SP2: variants seen among roughly 807,000 people sequenced by gnomAD.
SP2 encodes the protein transcription factor Sp2.
SP2 carries 9 observed loss-of-function variants against 50.1 expected under a neutral mutation model. That is an observed-to-expected ratio of 0.18 (90% CI 0.11 to 0.31). SP2 has a LOEUF of 0.31. SP2 is among the 10% of genes least tolerant of loss of function. The probability of loss-of-function intolerance (pLI) is 1.00; values close to 1 mark genes in which losing one functional copy is unlikely to be tolerated. For synonymous variants in SP2, 313 were observed against 326.6 expected (o/e 0.96, Z 0.45); for missense variants, 581 against 806.5 (o/e 0.72, Z 3.39).
At chr17:47,902,944 C>T (rs542907744) in intron 1 of SP2, among the ~76,000 whole-genome samples, 8 of 152,198 alleles carry the variant, frequency 5.3e-5, no homozygotes, top group Non-Finnish European at 1.0e-4. Context: ...TTAGTAGAGA[C>T]GAGGTTTCGC....
chr17:47,915,398 C>T lies in SP2; in HGVS notation c.84+10C>T, dbSNP rs2035157148. On this transcript the variant is annotated intron_variant, in intron 2 of 6. Coordinates refer to ENST00000376741, the MANE Select transcript of SP2 (RefSeq NM_003110.6). ...CGCCTCCACCACCCAGGCGAGTAGG[C>T]AGTGGGCTCCGAGGGCTTGGGGCTG... is the stretch of plus-strand genomic sequence containing the variant. 1.9e-6 allele frequency: 3 copies of T among 1,603,870 alleles called. No homozygotes were observed. The highest frequency in any genetic ancestry group is 2.6e-6 in the Non-Finnish European group (3 of 1,172,374).
Position 47,917,278 on chromosome 17 carries a change from T to G in SP2, c.1059+148T>G, listed in dbSNP as rs867667309. On this transcript the variant is annotated intron_variant, in intron 3 of 6. Transcript: ENST00000376741. ...TGGGCAGTAAGTGGCCGTTTCTACC[T>G]GACAAATGGGCTCTCTTTAGTTCAT... is the stretch of plus-strand genomic sequence containing the variant. The G allele has an allele frequency of 5.7e-5, 41 of 725,592 alleles. No individual in the cohort carries two copies. In the Middle Eastern group the frequency reaches 1.7e-3, roughly 30 times the overall value. 44.9% of individuals were successfully genotyped at this position (725,592 alleles called of 1,614,324 possible).
In SP2 at chr17:47,925,471, C is replaced by T. The variant is rs781456785; in HGVS notation, c.1671C>T (p.Cys557=). 22 of 1,614,226 alleles carry T rather than the reference C, an allele frequency of 1.4e-5. No homozygotes were observed. The highest frequency in any genetic ancestry group is 1.9e-5 in the Non-Finnish European group (22 of 1,180,038). ...RLHTGERPFV[C]NWFFCGKRFT... is the part of the protein sequence containing the mutation. The stretch of plus-strand genomic sequence containing the variant: ...ACACTGGCGAGCGGCCCTTTGTCTG[C>T]AACTGGTTCTTCTGTGGGAAGAGGT... The change falls in exon 6 of 7, where the codon TGC becomes TGT. Residue 557 remains cysteine (C), a synonymous_variant. Coordinates refer to ENST00000376741, the MANE Select transcript of SP2 (RefSeq NM_003110.6).
At chr17:47,919,979 G>A (rs1042562527) in intron 3 of SP2, among the ~76,000 whole-genome samples, 13 of 151,676 alleles carry the variant, frequency 8.6e-5, no homozygotes, top group Non-Finnish European at 1.5e-5. Flanking sequence ...TGGGATTACA[G>A]GCGCGTGCCA....
rs899410940 is a variant in SP2 at position 47,914,301 on chromosome 17, G to T, written c.8-1011G>T. On this transcript the variant is annotated intron_variant, in intron 1 of 6. Transcript: ENST00000376741. The stretch of plus-strand genomic sequence containing the variant: ...CAGGAGAATCACTTGAACCTGGGAG[G>T]TGGAGGTTGCAATGAGCCAGGATCG... Among the ~76,000 whole-genome samples, 8 of 152,098 alleles carry T rather than the reference G, an allele frequency of 5.3e-5. No homozygotes were observed. In the East Asian group the frequency reaches 1.4e-3, roughly 26 times the overall value.
intron 6 of SP2, among the ~76,000 whole-genome samples, chr17:47,926,409 C>A (rs1172035487): frequency 1.3e-5 from 2 of 150,738 alleles, no homozygotes; most frequent in Admixed American, 1.3e-4. Context: ...AACTCCTGGG[C>A]TCAAGTGATT....
intron 1 of SP2, among the ~76,000 whole-genome samples, chr17:47,904,090 G>C (rs2034656018): frequency 6.6e-6 from 1 of 151,974 alleles, no homozygotes; most frequent in African/African-American, 2.4e-5. Context: ...GTGAAACCCT[G>C]TCTCTACTAA....
In SP2 at chr17:47,922,947, TC is replaced by T; in HGVS notation, c.1060-14del. ...CTCTTCCAGGCACTGATTTTTTTTC[TC>T]TGGCCCCTCCCAGGTCTACATCCGC... On this transcript the variant is annotated splice_polypyrimidine_tract_variant and intron_variant, in intron 3 of 6. Transcript: ENST00000376741. 6.3e-7 allele frequency: 1 copy of T among 1,597,306 alleles called. No homozygotes were observed. The highest frequency in any genetic ancestry group is 8.6e-7 in the Non-Finnish European group (1 of 1,168,144).
At chr17:47,913,516 G>A (rs1809895001) in intron 1 of SP2, among the ~76,000 whole-genome samples, 1 of 152,172 alleles carries the variant, frequency 6.6e-6, no homozygotes, top group Non-Finnish European at 1.5e-5. Flanking sequence ...AGATGGTATA[G>A]ATTCTTTCTC....
chr17:47,910,420 T>G (rs990407708), intron 1 of SP2, among the ~76,000 whole-genome samples: 2 of 152,224 alleles, frequency 1.3e-5, no homozygotes, highest in Non-Finnish European at 2.9e-5. Flanking sequence ...GTAACTGTGG[T>G]TCGTGGTCTG....
rs137884512 is a variant in SP2 at position 47,916,737 on chromosome 17, C to T, written c.666C>T (p.Ala222=). Residue 222 remains alanine (A), a synonymous_variant, in exon 3 of 7, where the codon GCC becomes GCT. Coordinates refer to ENST00000376741, the MANE Select transcript of SP2 (RefSeq NM_003110.6). This position sits in a 1 kb window ranked among gnomAD's most constrained non-coding sequence, Gnocchi z 4.7. ...TGCCCGTCAACAACCTTGTGAACGCCAGTGACACCGGGGCCCCTACTCAGC... is the reference window on the plus strand; with the variant it reads ...TGCCCGTCAACAACCTTGTGAACGCTAGTGACACCGGGGCCCCTACTCAGC... ...LTLPVNNLVN[A]SDTGAPTQLL... is the part of the protein sequence containing the mutation. 1.1e-4 allele frequency: 176 copies of T among 1,613,018 alleles called. No homozygotes were observed. In the African/African-American group the frequency reaches 2.1e-3, roughly 20 times the overall value.
At chr17:47,926,031 C>T (rs951511188) in intron 6 of SP2, among the ~76,000 whole-genome samples, 1 of 150,406 alleles carries the variant, frequency 6.6e-6, no homozygotes, top group African/African-American at 2.4e-5. Flanking sequence ...ATTCTCCTGC[C>T]TCAGCTTCTC....
intron 1 of SP2, among the ~76,000 whole-genome samples, chr17:47,910,400 A>G (rs1235335318): frequency 1.3e-5 from 2 of 152,204 alleles, no homozygotes; most frequent in Non-Finnish European, 2.9e-5. Flanking sequence ...TCTTGATGCA[A>G]ATTGTTTCTG....
chr17:47,905,497 TTC>T (rs1022296427), intron 1 of SP2, among the ~76,000 whole-genome samples: 1 of 152,196 alleles, frequency 6.6e-6, no homozygotes, highest in Non-Finnish European at 1.5e-5. Context: ...TGGAGCCTAG[TTC>T]TCTCCAGAAG....
At chr17:47,909,134 G>C (rs536847925) in intron 1 of SP2, among the ~76,000 whole-genome samples, 10 of 152,172 alleles carry the variant, frequency 6.6e-5, no homozygotes, top group Non-Finnish European at 1.2e-4. Context: ...TTCTGAACAA[G>C]CTCCAGCTGA....
intron 1 of SP2, chr17:47,898,832 C>A (rs530912229): frequency 7.9e-5 from 12 of 152,346 alleles, no homozygotes; most frequent in African/African-American, 2.6e-4. Context: ...ATCTTGCGGG[C>A]TGCAAACCTG....
chr17:47,914,856 G>C (rs963322281), intron 1 of SP2: 1 of 153,434 alleles, frequency 6.5e-6, no homozygotes, highest in African/African-American at 2.4e-5. Context: ...TATCAACCCA[G>C]GGTGGGTAAG....
In SP2 at chr17:47,925,349, T is replaced by C. The variant is rs905005243; in HGVS notation, c.1549T>C (p.Ser517Pro). 1 of 1,612,252 alleles carries C rather than the reference T, an allele frequency of 6.2e-7. No homozygotes were observed. The change falls in exon 6 of 7, where the codon TCT (serine) becomes CCT (proline). Residue 517 changes from serine (S) to proline (P), a missense_variant and splice_region_variant. Ser to Pro is a moderately conservative substitution (Grantham distance 74). Around this residue, in one of 2 missense-constraint regions of SP2, gnomAD observed 184 missense variants for 315.5 expected, o/e 0.58. Transcript: ENST00000376741. ...CTCCACCCTCACCCCAATTCTCAGG[T>C]CTGGAGAGCAGGGCAAGAAGAAGCA... ...CPNCKDGEKR[S>P]GEQGKKKHVC...
intron 1 of SP2, among the ~76,000 whole-genome samples, chr17:47,907,133 G>A (rs1420872223): frequency 6.6e-6 from 1 of 152,108 alleles, no homozygotes; most frequent in Non-Finnish European, 1.5e-5. Context: ...CGCAGTGCCA[G>A]GGTGGATGTC....
Sources: allele counts gnomAD v4.1 joint callset (sites outside exome capture counted in the v4.1 genomes callset), GRCh38; gene constraint gnomAD v4.1.1; regional missense constraint gnomAD v4.1.1; non-coding constraint Gnocchi (gnomAD v3.1); transcripts MANE v1.5; gene names NCBI Gene and HGNC (gene_info 2026-07-23, HGNC 2026-07-21).